Variants in CNTNAP4 observed in about 807,000 individuals in gnomAD.
CNTNAP4 encodes the protein contactin-associated protein-like 4.
In CNTNAP4, 98 loss-of-function variants were observed where a neutral mutation model predicts 148.4. That is an observed-to-expected ratio of 0.66 (90% CI 0.56 to 0.78). CNTNAP4 has a LOEUF of 0.78. Ranked by LOEUF, CNTNAP4 falls within the 30% of genes least tolerant of loss-of-function variation. The pLI is 0.00. For synonymous variants in CNTNAP4, 730 were observed against 565.1 expected, an observed-to-expected ratio of 1.29 and a Z score of -4.14; for missense variants, 1,935 against 1,565.6, an observed-to-expected ratio of 1.24 and a Z score of -3.98.
At chr16:76,295,539 A>T (rs762856355) in intron 1 of CNTNAP4, among the ~76,000 whole-genome samples, 1 of 152,106 alleles carries the variant, frequency 6.6e-6, no homozygotes, top group Non-Finnish European at 1.5e-5. Context: ...CTAGATATTA[A>T]GCTGGTGAAC....
At chr16:76,317,271 A>C (rs1455256780) in intron 2 of CNTNAP4, among the ~76,000 whole-genome samples, 1 of 104,804 alleles carries the variant, frequency 9.5e-6, no homozygotes, top group East Asian at 2.4e-4. Flanking sequence ...AAAACAAAAA[A>C]AAAAACCAAA....
At chr16:76,332,580 C>T (rs1337957547) in intron 2 of CNTNAP4, among the ~76,000 whole-genome samples, 1 of 151,900 alleles carries the variant, frequency 6.6e-6, no homozygotes, top group Non-Finnish European at 1.5e-5. Flanking sequence ...TTTATTGATA[C>T]ATAATCAACT....
chr16:76,396,254 A>G (rs766972116), intron 3 of CNTNAP4, among the ~76,000 whole-genome samples: 5 of 152,194 alleles, frequency 3.3e-5, no homozygotes, highest in Non-Finnish European at 5.9e-5. Flanking sequence ...ATTTAATTCA[A>G]TAAAGAACAG....
intron 2 of CNTNAP4, among the ~76,000 whole-genome samples, chr16:76,335,023 G>A (rs952949194): frequency 6.6e-6 from 1 of 152,106 alleles, no homozygotes; most frequent in Non-Finnish European, 1.5e-5. Flanking sequence ...AATGAGGCAA[G>A]CACTCGATAG....
chr16:76,382,493 A>G (rs569079077), intron 3 of CNTNAP4, among the ~76,000 whole-genome samples: 56 of 152,154 alleles, frequency 3.7e-4, no homozygotes, highest in African/African-American at 1.4e-3. Context: ...TAAAGCAGTT[A>G]TGTGATTATA....
chr16:76,460,793 T>TAC (rs1555564540), intron 8 of CNTNAP4, among the ~76,000 whole-genome samples: 9 of 110,514 alleles, frequency 8.1e-5, no homozygotes, highest in African/African-American at 2.6e-4. Context: ...TATATATATA[T>TAC]ATTTAGAATT....
chr16:76,447,424 C>A (rs961152916), intron 4 of CNTNAP4, among the ~76,000 whole-genome samples: 3 of 151,224 alleles, frequency 2.0e-5, no homozygotes, highest in Non-Finnish European at 4.4e-5. Flanking sequence ...ATTTTGTAAA[C>A]AGGTTAGTAA....
chr16:76,343,381 A>T (rs1405162305), intron 2 of CNTNAP4, among the ~76,000 whole-genome samples: 3 of 152,158 alleles, frequency 2.0e-5, no homozygotes, highest in Non-Finnish European at 4.4e-5. Context: ...GCAAAATGAT[A>T]TGTTTTTTCC....
chr16:76,343,100 ATT>A (rs534886341), intron 2 of CNTNAP4, among the ~76,000 whole-genome samples: 20 of 132,306 alleles, frequency 1.5e-4, no homozygotes, highest in Admixed American at 2.3e-4. Context: ...AGCATAACCT[ATT>A]TTTTTTTTTT....
chr16:76,344,372 A>G (rs987508762), intron 2 of CNTNAP4, among the ~76,000 whole-genome samples: 26 of 152,170 alleles, frequency 1.7e-4, no homozygotes, highest in African/African-American at 5.5e-4. Flanking sequence ...CTGACCACCT[A>G]TCTATACAGG....
chr16:76,525,695 C>G (rs1484928951), intron 17 of CNTNAP4, among the ~76,000 whole-genome samples: 2 of 142,552 alleles, frequency 1.4e-5, no homozygotes, highest in African/African-American at 5.1e-5. Context: ...ATATTATAAA[C>G]TAATATATAT....
intron 15 of CNTNAP4, among the ~76,000 whole-genome samples, chr16:76,517,603 A>G (rs1020179918): frequency 6.6e-6 from 1 of 152,250 alleles, no homozygotes; most frequent in East Asian, 1.9e-4. Context: ...TTTTAAAAGT[A>G]CAATGTATTA....
chr16:76,521,058 G>A, intron 15 of CNTNAP4, 82 bp from the exon 16 acceptor site: 2 of 1,297,158 alleles, frequency 1.5e-6, no homozygotes, highest in Non-Finnish European at 2.2e-6. Context: ...GCTAAAAATA[G>A]AACATGTAAT....
intron 7 of CNTNAP4, 66 bp downstream of exon 7, chr16:76,449,924 C>A: frequency 7.2e-7 from 1 of 1,398,106 alleles, no homozygotes; most frequent in East Asian, 2.6e-5. Flanking sequence ...TAAAATTCCT[C>A]CATTTTAGGT....
intron 3 of CNTNAP4, among the ~76,000 whole-genome samples, chr16:76,397,966 A>G (rs866791619): frequency 0.012 from 605 of 48,714 alleles, 36 homozygotes; most frequent in Middle Eastern, 0.021. Flanking sequence ...ATATATATAT[A>G]TATATATATA....
intron 2 of CNTNAP4, among the ~76,000 whole-genome samples, chr16:76,337,420 C>T (rs374590772): frequency 1.3e-5 from 2 of 152,074 alleles, no homozygotes; most frequent in Admixed American, 6.6e-5. Context: ...TTCTGTGATG[C>T]CTACCTGAGC....
At chr16:76,513,069 G>C (rs1160497963) in intron 15 of CNTNAP4, among the ~76,000 whole-genome samples, 1 of 152,148 alleles carries the variant, frequency 6.6e-6, no homozygotes, top group Admixed American at 6.5e-5. Context: ...ATGATCACGA[G>C]AGTGGGGTTT....
intron 1 of CNTNAP4, among the ~76,000 whole-genome samples, chr16:76,303,449 T>A (rs1160560987): frequency 6.6e-6 from 1 of 152,200 alleles, no homozygotes; most frequent in South Asian, 2.1e-4. Flanking sequence ...TGAGACTTAC[T>A]CAATTTTCCC....
intron 10 of CNTNAP4, among the ~76,000 whole-genome samples, chr16:76,468,750 T>C (rs1380156673): frequency 6.6e-6 from 1 of 152,094 alleles, no homozygotes; most frequent in South Asian, 2.1e-4. Flanking sequence ...TGAGTCACTG[T>C]GCCCAGCCAA....
Sources: allele counts gnomAD v4.1 joint callset (sites outside exome capture counted in the v4.1 genomes callset), GRCh38; gene constraint gnomAD v4.1.1; transcripts MANE v1.5; gene names NCBI Gene and HGNC (gene_info 2026-07-23, HGNC 2026-07-21).